SOX5: variants seen among roughly 807,000 people sequenced by gnomAD.
SOX5 encodes the protein transcription factor SOX-5.
SOX5 carries 9 observed loss-of-function variants against 92.0 expected under a neutral mutation model. The ratio of observed to expected loss-of-function variants is 0.10; its 90% CI spans 0.06 to 0.17. The LOEUF (loss-of-function observed/expected upper bound fraction) is 0.17. SOX5 is among the 10% of genes least tolerant of loss of function. The pLI is 1.00. For synonymous variants in SOX5, 344 were observed against 336.3 expected, an observed-to-expected ratio of 1.02 and a Z score of -0.25; for missense variants, 642 against 944.5, an observed-to-expected ratio of 0.68 and a Z score of 4.20.
intron 4 of SOX5, among the ~76,000 whole-genome samples, chr12:24,176,700 G>C (rs982223826): frequency 2.0e-5 from 3 of 152,172 alleles, no homozygotes; most frequent in African/African-American, 7.2e-5. Flanking sequence ...GTCTGCTCCT[G>C]TTCCTGGTAT....
At chr12:24,501,975 T>C (rs1340728150) in intron 1 of SOX5, among the ~76,000 whole-genome samples, 1 of 152,182 alleles carries the variant, frequency 6.6e-6, no homozygotes, top group Non-Finnish European at 1.5e-5. Flanking sequence ...AAGACACAGA[T>C]GTAATGCTCT....
At chr12:24,436,022 T>C (rs964364475) in intron 1 of SOX5, among the ~76,000 whole-genome samples, 3 of 152,176 alleles carry the variant, frequency 2.0e-5, no homozygotes, top group African/African-American at 7.2e-5. Context: ...AATTGATAGA[T>C]ATTGTGTGTG....
At position 24,063,390 on chromosome 12, in the gene SOX5, A is replaced by C. The variant is rs73275419; in HGVS notation, c.-2+149953T>G. On this transcript the variant is annotated intron_variant, in intron 4 of 4. Coordinates refer to the SOX5 transcript ENST00000446891. The stretch of plus-strand genomic sequence containing the variant: ...AGTGATCAAAGAATAAATACACTTC[A>C]GTAATGGCACTACATAGATTCAGCA... Among the ~76,000 whole-genome samples the C allele has an allele frequency of 6.1e-3, 934 of 152,352 alleles. 8 individuals carry two copies. Among genetic ancestry groups the C allele is most frequent in the African/African-American group, 0.021 (856 of 41,590 alleles).
chr12:23,578,847 T>C (rs558491780), intron 9 of SOX5, among the ~76,000 whole-genome samples: 1 of 152,352 alleles, frequency 6.6e-6, no homozygotes, highest in East Asian at 1.9e-4. Flanking sequence ...GAACTTCTTT[T>C]TGACATCATC....
intron 2 of SOX5, among the ~76,000 whole-genome samples, chr12:23,855,439 C>T (rs2096676192): frequency 6.6e-6 from 1 of 151,940 alleles, no homozygotes; most frequent in Non-Finnish European, 1.5e-5. Context: ...TGTTCAGTTA[C>T]TACTCATTAT....
chr12:24,518,229 T>C (rs1284242881), intron 1 of SOX5, among the ~76,000 whole-genome samples: 3 of 151,842 alleles, frequency 2.0e-5, no homozygotes, highest in Non-Finnish European at 2.9e-5. Context: ...CCACCATGCC[T>C]GGCTAATTTT....
intron 2 of SOX5, among the ~76,000 whole-genome samples, chr12:24,298,939 T>C (rs1229817961): frequency 6.6e-6 from 1 of 152,044 alleles, no homozygotes; most frequent in Non-Finnish European, 1.5e-5. Context: ...GTTTTCATAT[T>C]ATTAGAAAAA....
intron 3 of SOX5, among the ~76,000 whole-genome samples, chr12:23,784,841 G>C (rs1214951922): frequency 6.6e-6 from 1 of 152,128 alleles, no homozygotes; most frequent in Non-Finnish European, 1.5e-5. Context: ...CTTTGAGAGG[G>C]TAAGGTGGGA....
At chr12:23,896,103 T>C (rs1162174400) in intron 1 of SOX5, 79 bp from the exon 2 acceptor site, 3 of 993,600 alleles carry the variant, frequency 3.0e-6, no homozygotes, top group Non-Finnish European at 4.7e-6. Flanking sequence ...TTAGGGGCCA[T>C]TGTAACAGAA....
At chr12:23,664,322 C>T (rs371947702) in intron 7 of SOX5, among the ~76,000 whole-genome samples, 15 of 149,996 alleles carry the variant, frequency 1.0e-4, no homozygotes, top group East Asian at 3.9e-4. Context: ...AATTCATTAA[C>T]ATATATATAT....
chr12:23,929,300 G>T (rs989264265), intron 1 of SOX5, among the ~76,000 whole-genome samples: 1 of 151,912 alleles, frequency 6.6e-6, no homozygotes, highest in African/African-American at 2.4e-5. Flanking sequence ...TGATATAAAT[G>T]AAAGAGAGTT....
intron 1 of SOX5, among the ~76,000 whole-genome samples, chr12:24,561,380 C>G (rs994549216): frequency 2.6e-5 from 4 of 152,170 alleles, no homozygotes; most frequent in African/African-American, 9.7e-5. Flanking sequence ...TTAATATAGT[C>G]GCTTTGCAAA....
chr12:24,184,214 A>T (rs1017243962), intron 4 of SOX5, among the ~76,000 whole-genome samples: 3 of 152,174 alleles, frequency 2.0e-5, no homozygotes, highest in Non-Finnish European at 4.4e-5. Flanking sequence ...CTTTAGTAAA[A>T]TAAATGCTCT....
intron 1 of SOX5, among the ~76,000 whole-genome samples, chr12:23,915,929 T>C (rs2097410235): frequency 6.6e-6 from 1 of 152,162 alleles, no homozygotes; most frequent in Non-Finnish European, 1.5e-5. Context: ...GTGCATTGTA[T>C]CACTGAACTT....
At chr12:23,794,615 G>T (rs568852887) in intron 3 of SOX5, among the ~76,000 whole-genome samples, 2 of 152,126 alleles carry the variant, frequency 1.3e-5, no homozygotes, top group African/African-American at 4.8e-5. Context: ...AAACAAAAAC[G>T]CAATGTTTAC....
At chr12:23,777,009 T>C (rs573556686) in intron 3 of SOX5, among the ~76,000 whole-genome samples, 2 of 152,318 alleles carry the variant, frequency 1.3e-5, no homozygotes, top group Non-Finnish European at 2.9e-5. Flanking sequence ...AATTTTATTA[T>C]TCATTTATTT....
intron 1 of SOX5, among the ~76,000 whole-genome samples, chr12:24,449,976 C>A (rs186179855): frequency 2.0e-5 from 3 of 152,228 alleles, no homozygotes; most frequent in Admixed American, 2.0e-4. Context: ...ATCTTTAAGA[C>A]CAAATCCTAA....
At chr12:23,744,134 C>A (rs2093900878) in intron 4 of SOX5, among the ~76,000 whole-genome samples, 1 of 152,128 alleles carries the variant, frequency 6.6e-6, no homozygotes, top group Non-Finnish European at 1.5e-5. Context: ...CTAACCTTTT[C>A]TTCTCAATCT....
chr12:23,708,003 T>C (rs1418739666), intron 6 of SOX5, among the ~76,000 whole-genome samples: 3 of 151,972 alleles, frequency 2.0e-5, no homozygotes, highest in South Asian at 2.1e-4. Flanking sequence ...CTCAAATATA[T>C]GGTGCGAAAA....
Sources: allele counts gnomAD v4.1 joint callset (sites outside exome capture counted in the v4.1 genomes callset), GRCh38; gene constraint gnomAD v4.1.1; transcripts MANE v1.5; gene names NCBI Gene and HGNC (gene_info 2026-07-23, HGNC 2026-07-21).